The following TUBA1A variants were observed in gnomAD, a reference collection of about 807,000 sequenced individuals.
The protein encoded by TUBA1A is tubulin alpha 1a.
TUBA1A carries 7 observed loss-of-function variants against 34.6 expected under a neutral mutation model. The ratio of observed to expected loss-of-function variants is 0.20; its 90% CI spans 0.11 to 0.38. The LOEUF (loss-of-function observed/expected upper bound fraction) is 0.38, where lower values mean the gene tolerates loss of function less well. Among genes scored for constraint, TUBA1A ranks in the 10% least tolerant of loss-of-function variants. The pLI, the probability that TUBA1A is intolerant of heterozygous loss-of-function variation, is 1.00. For synonymous variants in TUBA1A, 193 were observed against 210.2 expected (o/e 0.92, Z 0.71); for missense variants, 19 against 581.3 (o/e 0.03, Z 9.95).
rs761622371 is a variant in TUBA1A, at chr12:49,189,021, G to A, written c.-42C>T. 4.3e-6 allele frequency: 7 copies of A among 1,613,812 alleles called. No individual in the cohort carries two copies. The highest frequency in any genetic ancestry group is 1.3e-5 in the African/African-American group (1 of 74,928). On this transcript the variant is annotated 5_prime_UTR_variant, in exon 1 of 4. Coordinates refer to ENST00000301071, the MANE Select transcript of TUBA1A (RefSeq NM_006009.4). ...CTGCCGAGCTGATGGCGGAGACGAA[G>A]AGGAGAGGTTGTTGCTTCTTACAGC... is the stretch of plus-strand genomic sequence containing the variant.
chr12:49,187,951 C>T lies in TUBA1A; in HGVS notation c.3+1026G>A. On this transcript the variant is annotated intron_variant, in intron 1 of 3. Coordinates refer to ENST00000301071, the MANE Select transcript of TUBA1A (RefSeq NM_006009.4). ...GGAAGGGCGTTTCCCTGGGTCCTGACCATCAGGGTACCCTGGGGCTCACAA... is the reference window on the plus strand; with the variant it reads ...GGAAGGGCGTTTCCCTGGGTCCTGATCATCAGGGTACCCTGGGGCTCACAA... The T allele has an allele frequency of 2.0e-6, 2 of 984,680 alleles. 1 individual carries two copies. The highest frequency in any genetic ancestry group is 9.4e-5 in the South Asian group (2 of 21,250). 61.0% of individuals were successfully genotyped at this position (984,680 alleles called of 1,614,324 possible). A position where few individuals can be genotyped will look rare whatever the true frequency, so the allele number is the denominator to read the frequency against.
chr12:49,187,401 C>A, intron 1 of TUBA1A: 5 of 994,158 alleles, frequency 5.0e-6, no homozygotes, highest in Non-Finnish European at 6.0e-6. Flanking sequence ...GTACTGTCTG[C>A]TACATTATTT....
chr12:49,187,752 A>C, intron 1 of TUBA1A: 1 of 984,696 alleles, frequency 1.0e-6, no homozygotes, highest in Non-Finnish European at 1.2e-6. Context: ...TGGAAGGATA[A>C]TGAAATATTT....
rs1942159590 is a variant in TUBA1A, at chr12:49,184,941, C to T, written c.*69G>A. 3.1e-6 allele frequency: 5 copies of T among 1,612,894 alleles called. No individual in the cohort carries two copies. The Admixed American group carries it at 6.7e-5, about 22-fold the overall frequency. ...CTACATACAAATTAACTGATCAGAC[C>T]ACAACTTTTCAATGTTTAAAACAGA... On this transcript the variant is annotated 3_prime_UTR_variant, in exon 4 of 4. Coordinates refer to ENST00000301071, the MANE Select transcript of TUBA1A (RefSeq NM_006009.4).
intron 1 of TUBA1A, chr12:49,187,703 A>T (rs1194735337): frequency 3.9e-5 from 38 of 971,404 alleles, no homozygotes; most frequent in Non-Finnish European, 4.6e-5. Context: ...AGTTAGAAAC[A>T]AGCATCACAT....
intron 1 of TUBA1A, chr12:49,187,200 CT>C (rs946316108): frequency 4.4e-6 from 5 of 1,143,714 alleles, no homozygotes; most frequent in Non-Finnish European, 5.4e-6. Flanking sequence ...GCTTTCTTCC[CT>C]TTTAAATAAA....
rs1942215290 is a variant in TUBA1A at position 49,188,725 on chromosome 12, A to G, written c.3+252T>C. ...CCCCCGAAAGTCTCTCGGATAACAC[A>G]GGCGCCTAGGCGCCGCCTTTGTTCC... On this transcript the variant is annotated intron_variant, in intron 1 of 3. Coordinates refer to ENST00000301071, the MANE Select transcript of TUBA1A (RefSeq NM_006009.4). The surrounding 1 kb of genome is among the most constrained non-coding windows in gnomAD (Gnocchi z 4.9). 1 of 1,449,232 alleles carries G rather than the reference A, an allele frequency of 6.9e-7. No homozygotes were observed. The highest frequency in any genetic ancestry group is 9.0e-7 in the Non-Finnish European group (1 of 1,109,854). 89.8% of individuals were successfully genotyped at this position (1,449,232 alleles called of 1,614,324 possible).
At chr12:49,187,606 T>A (rs565232538) in intron 1 of TUBA1A, 1,104 of 980,380 alleles carry the variant, frequency 1.1e-3, no homozygotes, top group Middle Eastern at 3.1e-3. Context: ...CTTTTTTTTT[T>A]AAAAAAAAAG....
Position 49,184,886 on chromosome 12 carries a change from G to T in TUBA1A, c.*124C>A. On this transcript the variant is annotated 3_prime_UTR_variant, in exon 4 of 4. Transcript: ENST00000301071. ...AAAGCATTCATGTTTTAGAGCATAG[G>T]TCAGTAATTGTATATGAGAGCATAC... 1.3e-6 allele frequency: 2 copies of T among 1,491,482 alleles called. No individual in the cohort carries two copies. The highest frequency in any genetic ancestry group is 1.9e-6 in the Non-Finnish European group (2 of 1,072,022). The allele number at this position is 1,491,482 out of a possible 1,614,324, so 92.4% of individuals were successfully genotyped here. A position where few individuals can be genotyped will look rare whatever the true frequency, so the allele number is the denominator to read the frequency against.
intron 1 of TUBA1A, chr12:49,187,383 G>A: frequency 2.0e-6 from 2 of 1,021,124 alleles, no homozygotes; most frequent in Non-Finnish European, 2.4e-6. Flanking sequence ...TGTGCCTGGT[G>A]CTAGCCTGTA....
In TUBA1A at chr12:49,185,988, G is replaced by A. The variant is rs1135224; in HGVS notation, c.378C>T (p.Ala126=). Residue 126 remains alanine (A), a splice_region_variant and synonymous_variant, in exon 4 of 4, where the codon GCC becomes GCT. Coordinates refer to ENST00000301071, the MANE Select transcript of TUBA1A (RefSeq NM_006009.4). ...DLVLDRIRKL[A]DQCTGLQGFL... ...AGCCCTGGAGACCCGTGCACTGGTC[G>A]GCCTATAACAAAAGAGAGGAACAGA... is the stretch of plus-strand genomic sequence containing the variant. 1.3e-4 allele frequency: 215 copies of A among 1,613,862 alleles called. No homozygotes were observed. The highest frequency in any genetic ancestry group is 2.5e-4 in the Admixed American group (15 of 59,968).
At position 49,185,835 on chromosome 12, in the gene TUBA1A, A is replaced by C; in HGVS notation, c.531T>G (p.Val177=). ...TGTAGGGCTCAACTACAGCTGTGGA[A>C]ACCTGGGGCGCCGGGTAAATAGAGA... ...LEFSIYPAPQ[V]STAVVEPYNS... Residue 177 remains valine, a synonymous_variant, in exon 4 of 4, where the codon GTT becomes GTG. Transcript: ENST00000301071. 6.2e-7 allele frequency: 1 copy of C among 1,613,870 alleles called. No individual in the cohort carries two copies. Among genetic ancestry groups the C allele is most frequent in the Non-Finnish European group, 8.5e-7 (1 of 1,180,012 alleles).
At chr12:49,187,277 A>G (rs1187209287) in intron 1 of TUBA1A, 1 of 1,088,348 alleles carries the variant, frequency 9.2e-7, no homozygotes, top group Non-Finnish European at 1.1e-6. Context: ...AGCTGAGGCA[A>G]GAAGCCACAC....
chr12:49,186,239 A>G lies in TUBA1A; in HGVS notation c.375+71T>C. ...AAATAACAGTTCAATTCTGTGTTTG[A>G]AAAAAAAAGCATTATTTCAAATGTG... On this transcript the variant is annotated intron_variant, in intron 3 of 3. Transcript: ENST00000301071. This position sits in a 1 kb window ranked among gnomAD's most constrained non-coding sequence, Gnocchi z 6.6. The G allele has an allele frequency of 1.2e-6, 2 of 1,607,520 alleles. No homozygotes were observed. Among genetic ancestry groups the G allele is most frequent in the Non-Finnish European group, 8.5e-7 (1 of 1,176,796 alleles).
Position 49,189,024 on chromosome 12 carries a change from G to A in TUBA1A, c.-45C>T. ...CCGAGCTGATGGCGGAGACGAAGAG[G>A]AGAGGTTGTTGCTTCTTACAGCGCG... On this transcript the variant is annotated 5_prime_UTR_variant, in exon 1 of 4. Coordinates refer to ENST00000301071, the MANE Select transcript of TUBA1A (RefSeq NM_006009.4). The A allele has an allele frequency of 6.2e-7, 1 of 1,613,776 alleles. No homozygotes were observed. The highest frequency in any genetic ancestry group is 1.7e-4 in the Middle Eastern group (1 of 6,060).
rs1392838403 is a variant in TUBA1A at position 49,186,264 on chromosome 12, G to GCC, written c.375+45_375+46insGG. 1 of 1,612,232 alleles carries GCC rather than the reference G, an allele frequency of 6.2e-7. No individual in the cohort carries two copies. Among genetic ancestry groups the GCC allele is most frequent in the Admixed American group, 1.7e-5 (1 of 59,988 alleles). On this transcript the variant is annotated intron_variant, in intron 3 of 3. Transcript: ENST00000301071. The surrounding 1 kb of genome is among the most constrained non-coding windows in gnomAD (Gnocchi z 6.6). ...AAAAAAAAAGCATTATTTCAAATGT[G>GCC]TTCTTTAGGCTCATTAATTTACTTT...
At chr12:49,187,503 T>G in intron 1 of TUBA1A, 3 of 985,956 alleles carry the variant, frequency 3.0e-6, no homozygotes, top group Non-Finnish European at 2.4e-6. Context: ...CGGGACCATG[T>G]GCCTGAATTG....
In TUBA1A at chr12:49,187,853, T is replaced by C; in HGVS notation, c.4-1020A>G. 3 of 982,890 alleles carry C rather than the reference T, an allele frequency of 3.1e-6. No homozygotes were observed. The South Asian group carries it at 1.4e-4, about 46-fold the overall frequency. 60.9% of individuals were successfully genotyped at this position (982,890 alleles called of 1,614,324 possible). A position where few individuals can be genotyped will look rare whatever the true frequency, so the allele number is the denominator to read the frequency against. ...TTTGCATCCAATAGAGGTTTTCTTC[T>C]CTGTGGTCTTTAGGGCTACCACTTT... On this transcript the variant is annotated intron_variant, in intron 1 of 3. Coordinates refer to ENST00000301071, the MANE Select transcript of TUBA1A (RefSeq NM_006009.4).
At position 49,187,300 on chromosome 12, in the gene TUBA1A, T is replaced by C. The variant is rs1942192830; in HGVS notation, c.4-467A>G. On this transcript the variant is annotated intron_variant, in intron 1 of 3. Coordinates refer to ENST00000301071, the MANE Select transcript of TUBA1A (RefSeq NM_006009.4). ...CAAGAAGCCACACCCTTCTGCAGTC[T>C]GTCTGCAGAATCCATCAATACTAGG... is the stretch of plus-strand genomic sequence containing the variant. 9.3e-6 allele frequency: 10 copies of C among 1,069,966 alleles called. No individual in the cohort carries two copies. The South Asian group carries it at 1.6e-4, about 17-fold the overall frequency. The allele number at this position is 1,069,966 out of a possible 1,614,324, so 66.3% of individuals were successfully genotyped here. A position where few individuals can be genotyped will look rare whatever the true frequency, so the allele number is the denominator to read the frequency against.
Sources: allele counts gnomAD v4.1 joint callset, GRCh38; gene constraint gnomAD v4.1.1; non-coding constraint Gnocchi (gnomAD v3.1); transcripts MANE v1.5; gene names NCBI Gene and HGNC (gene_info 2026-07-23, HGNC 2026-07-21).